Variants in FNDC3A observed in about 807,000 individuals in gnomAD.
FNDC3A encodes fibronectin type III domain containing 3A.
A neutral mutation model predicts 148.9 loss-of-function variants in FNDC3A; 32 were observed. The observed-to-expected ratio is 0.21, with a 90% CI of 0.16 to 0.29. The LOEUF is 0.29. Among genes scored for constraint, FNDC3A ranks in the 10% least tolerant of loss-of-function variants. FNDC3A has a pLI of 1.00. For synonymous variants in FNDC3A, 472 were observed against 473.6 expected, an observed-to-expected ratio of 1.00 and a Z score of 0.04; for missense variants, 1,191 against 1,452.8, an observed-to-expected ratio of 0.82 and a Z score of 2.93.
At chr13:49,143,420 T>C (rs1882801970) in intron 7 of FNDC3A, among the ~76,000 whole-genome samples, 1 of 152,160 alleles carries the variant, frequency 6.6e-6, no homozygotes, top group Non-Finnish European at 1.5e-5. Context: ...TTTTTTAATT[T>C]ATTTTTAAAA....
chr13:49,160,386 A>G, intron 8 of FNDC3A, among the ~76,000 whole-genome samples: 2 of 151,892 alleles, frequency 1.3e-5, no homozygotes. Context: ...TTTCTTCTAG[A>G]TTTTCTAGTT....
intron 3 of FNDC3A, among the ~76,000 whole-genome samples, chr13:49,099,979 A>G (rs561598463): frequency 6.6e-6 from 1 of 152,266 alleles, no homozygotes; most frequent in South Asian, 2.1e-4. Flanking sequence ...ACAACATTGT[A>G]AGCAATTTTA....
At chr13:49,111,653 G>C (rs890614544) in intron 3 of FNDC3A, among the ~76,000 whole-genome samples, 1 of 150,928 alleles carries the variant, frequency 6.6e-6, no homozygotes, top group Non-Finnish European at 1.5e-5. Flanking sequence ...TTGAACCCAG[G>C]AGGAAGAGGT....
chr13:49,032,704 C>CG (rs891328413), intron 2 of FNDC3A, among the ~76,000 whole-genome samples: 20 of 152,152 alleles, frequency 1.3e-4, no homozygotes, highest in African/African-American at 4.3e-4. Flanking sequence ...CCACTGCACT[C>CG]CAGCCTGGGC....
chr13:49,007,873 C>A (rs755100402), intron 2 of FNDC3A, among the ~76,000 whole-genome samples: 10 of 152,116 alleles, frequency 6.6e-5, no homozygotes, highest in Admixed American at 1.3e-4. Flanking sequence ...GCCTTGAATT[C>A]TAACTAGCAG....
Position 49,136,363 on chromosome 13 carries a change from T to C in FNDC3A, c.522T>C (p.Phe174=). Residue 174 remains phenylalanine, a synonymous_variant, in exon 6 of 26, where the codon TTT becomes TTC. Coordinates refer to ENST00000492622, the MANE Select transcript of FNDC3A (RefSeq NM_001079673.2). ...DAHSTHGRSN[F]RDERSSKTYE... ...ACTCTACACATGGAAGGTCCAACTT[T>C]AGAGATGAACGATCTAGTAAAACAT... 1.2e-6 allele frequency: 2 copies of C among 1,614,130 alleles called. No individual in the cohort carries two copies. Among genetic ancestry groups the C allele is most frequent in the Non-Finnish European group, 1.7e-6 (2 of 1,179,988 alleles).
At chr13:49,056,719 A>G (rs946508308) in intron 2 of FNDC3A, among the ~76,000 whole-genome samples, 3 of 151,656 alleles carry the variant, frequency 2.0e-5, no homozygotes, top group Middle Eastern at 3.2e-3. Context: ...GTTTCTTTTA[A>G]CTTCAGTGAC....
At chr13:49,029,184 C>T in intron 2 of FNDC3A, among the ~76,000 whole-genome samples, 1 of 152,070 alleles carries the variant, frequency 6.6e-6, no homozygotes, top group Admixed American at 6.6e-5. Flanking sequence ...GTTGCCCAGG[C>T]TTCAGTAAAT....
chr13:49,137,319 C>CT (rs1287111114), intron 6 of FNDC3A, among the ~76,000 whole-genome samples: 3 of 151,956 alleles, frequency 2.0e-5, no homozygotes, highest in South Asian at 2.1e-4. Context: ...GACTTCTACT[C>CT]TATGAACTTT....
At chr13:49,152,507 T>G (rs1883366145) in intron 8 of FNDC3A, among the ~76,000 whole-genome samples, 1 of 135,892 alleles carries the variant, frequency 7.4e-6, no homozygotes, top group Admixed American at 7.3e-5. Flanking sequence ...CAAAAAAAAT[T>G]GTTTGGTTTT....
At chr13:49,099,078 A>C (rs1879704779) in intron 3 of FNDC3A, among the ~76,000 whole-genome samples, 1 of 152,150 alleles carries the variant, frequency 6.6e-6, no homozygotes, top group Non-Finnish European at 1.5e-5. Context: ...CTTATATCCC[A>C]ATTTGTCTAA....
At chr13:49,189,867 A>T (rs1054200003) in intron 17 of FNDC3A, among the ~76,000 whole-genome samples, 1 of 152,232 alleles carries the variant, frequency 6.6e-6, no homozygotes, top group African/African-American at 2.4e-5. Flanking sequence ...TGTTGCAAGT[A>T]AGTAATATGC....
intron 2 of FNDC3A, among the ~76,000 whole-genome samples, chr13:49,070,749 G>A (rs536098176): frequency 6.6e-6 from 1 of 151,992 alleles, no homozygotes; most frequent in African/African-American, 2.4e-5. Context: ...TATTCTCTAC[G>A]TCCTTTAGTT....
intron 13 of FNDC3A, 61 bp from the exon 14 acceptor site, chr13:49,178,507 A>C: frequency 9.8e-7 from 1 of 1,016,364 alleles, no homozygotes; most frequent in Middle Eastern, 2.4e-4. Context: ...TCACATATTC[A>C]TTATTGCCCA....
chr13:49,012,150 C>G (rs1476062642), intron 2 of FNDC3A, among the ~76,000 whole-genome samples: 2 of 151,800 alleles, frequency 1.3e-5, no homozygotes, highest in Non-Finnish European at 2.9e-5. Flanking sequence ...GAGTCTTGCT[C>G]TGTCACGCAG....
chr13:49,051,153 A>G (rs1035477499), intron 2 of FNDC3A, among the ~76,000 whole-genome samples: 19 of 152,206 alleles, frequency 1.2e-4, no homozygotes, highest in African/African-American at 4.6e-4. Flanking sequence ...ATTCAATGAT[A>G]GTATTGAGAT....
At chr13:49,048,721 G>A (rs1353591027) in intron 2 of FNDC3A, among the ~76,000 whole-genome samples, 1 of 152,146 alleles carries the variant, frequency 6.6e-6, no homozygotes, top group African/African-American at 2.4e-5. Flanking sequence ...TTTTGGATGA[G>A]TCATTAGGGT....
chr13:49,110,241 A>T, intron 3 of FNDC3A: 3 of 921,576 alleles, frequency 3.3e-6, no homozygotes, highest in Non-Finnish European at 4.6e-6. Context: ...GGGTCACTGC[A>T]GGTCACGTGA....
intron 1 of FNDC3A, among the ~76,000 whole-genome samples, chr13:48,979,852 G>A (rs368025795): frequency 2.6e-5 from 4 of 151,984 alleles, no homozygotes; most frequent in Admixed American, 6.6e-5. Context: ...TTTTAAAAAC[G>A]TAAAAATTTT....
Sources: allele counts gnomAD v4.1 joint callset (sites outside exome capture counted in the v4.1 genomes callset), GRCh38; gene constraint gnomAD v4.1.1; transcripts MANE v1.5; gene names NCBI Gene and HGNC (gene_info 2026-07-23, HGNC 2026-07-21).